The following PRKCE variants were observed in gnomAD, a reference collection of about 807,000 sequenced individuals.
The protein encoded by PRKCE is protein kinase C epsilon type.
Under a neutral mutation model 85.4 loss-of-function variants are expected in PRKCE, and 16 were observed. The observed-to-expected ratio is 0.19, with a 90% CI of 0.13 to 0.28. PRKCE has a LOEUF of 0.28. Ranked by LOEUF, PRKCE falls within the 10% of genes least tolerant of loss-of-function variation. The pLI is 1.00. For synonymous variants in PRKCE, 388 were observed against 371.5 expected (o/e 1.04, Z -0.51); for missense variants, 573 against 975.2 (o/e 0.59, Z 5.49).
intron 11 of PRKCE, among the ~76,000 whole-genome samples, chr2:46,117,786 C>T (rs1672924063): frequency 6.6e-6 from 1 of 152,180 alleles, no homozygotes; most frequent in Non-Finnish European, 1.5e-5. Context: ...TTACTGATCC[C>T]TTACATTGCC....
At chr2:45,839,648 A>C (rs980388630) in intron 1 of PRKCE, among the ~76,000 whole-genome samples, 1 of 152,198 alleles carries the variant, frequency 6.6e-6, no homozygotes, top group Non-Finnish European at 1.5e-5. Context: ...CTTACATTGC[A>C]TCATTATCTG....
rs939544375 is a variant in PRKCE at position 45,859,145 on chromosome 2, T to C, written c.412+16082T>C. Among the ~76,000 whole-genome samples, 51 of 152,092 alleles carry C rather than the reference T, an allele frequency of 3.4e-4. 2 individuals carry two copies. On this transcript the variant is annotated intron_variant, in intron 2 of 14. Transcript: ENST00000306156. ...ATTCTACTTTTGAGATTCATCCATA[T>C]TGATGTGTGTGTGGCTGCAGTTCGT...
At chr2:45,985,127 G>A (rs1006048159) in intron 6 of PRKCE, among the ~76,000 whole-genome samples, 1 of 152,168 alleles carries the variant, frequency 6.6e-6, no homozygotes, top group Non-Finnish European at 1.5e-5. Flanking sequence ...ACATAAGGTA[G>A]CTTGCTGACT....
At chr2:45,909,154 T>C (rs7595563) in intron 2 of PRKCE, among the ~76,000 whole-genome samples, 15,356 of 152,242 alleles carry the variant, frequency 0.1, 1,242 homozygotes, top group African/African-American at 0.22. Flanking sequence ...TTATTAGTAA[T>C]AGTACCACTT....
At chr2:45,717,123 C>T (rs1472992312) in intron 1 of PRKCE, among the ~76,000 whole-genome samples, 2 of 152,196 alleles carry the variant, frequency 1.3e-5, no homozygotes, top group African/African-American at 2.4e-5. Flanking sequence ...TGTCCAAGGT[C>T]CCTAAGTGAA....
At chr2:45,720,264 T>A (rs1023682100) in intron 1 of PRKCE, among the ~76,000 whole-genome samples, 1 of 150,768 alleles carries the variant, frequency 6.6e-6, no homozygotes, top group African/African-American at 2.4e-5. Context: ...AGTGGAGGAG[T>A]TGAGATAAAG....
intron 11 of PRKCE, among the ~76,000 whole-genome samples, chr2:46,111,138 T>G (rs1044519557): frequency 6.6e-6 from 1 of 152,194 alleles, no homozygotes; most frequent in Non-Finnish European, 1.5e-5. Flanking sequence ...ACATGCAAGC[T>G]TGAGAAGAAT....
intron 11 of PRKCE, among the ~76,000 whole-genome samples, chr2:46,091,756 G>A (rs892473422): frequency 5.3e-5 from 8 of 152,272 alleles, no homozygotes; most frequent in African/African-American, 1.7e-4. Context: ...GTAAATGTTA[G>A]CCAGTCACAT....
intron 2 of PRKCE, among the ~76,000 whole-genome samples, chr2:45,957,066 A>AT (rs1052201399): frequency 6.6e-6 from 1 of 152,130 alleles, no homozygotes; most frequent in African/African-American, 2.4e-5. Flanking sequence ...ATTTGCAAAT[A>AT]TTTTTTCCCA....
At chr2:46,032,778 C>A (rs1205897160) in intron 10 of PRKCE, among the ~76,000 whole-genome samples, 1 of 152,162 alleles carries the variant, frequency 6.6e-6, no homozygotes, top group Non-Finnish European at 1.5e-5. Context: ...TTAAGAATGA[C>A]TTTAGTTAGT....
Position 46,120,374 on chromosome 2 carries a change from G to A in PRKCE, c.1593-24719G>A, listed in dbSNP as rs560608529. Among the ~76,000 whole-genome samples, 738 of 152,252 alleles carry A rather than the reference G, an allele frequency of 4.8e-3. 6 individuals are homozygous for A. The highest frequency in any genetic ancestry group is 0.017 in the African/African-American group (701 of 41,546). The stretch of plus-strand genomic sequence containing the variant: ...TGGCATCTAGTGGGTAGAGGCCAAG[G>A]ATACTGGTAAACATTCTGCAATGCA... On this transcript the variant is annotated intron_variant, in intron 11 of 14. Transcript: ENST00000306156.
At position 45,717,512 on chromosome 2, in the gene PRKCE, A is replaced by G. The variant is rs1680238624; in HGVS notation, c.348+65064A>G. On this transcript the variant is annotated intron_variant, in intron 1 of 14. Transcript: ENST00000306156. ...CTACATTGGGTTCCCCCTAAAGCATATGGCATGTCTTGTGCATATCTGCAC... is the reference window on the plus strand; with the variant it reads ...CTACATTGGGTTCCCCCTAAAGCATGTGGCATGTCTTGTGCATATCTGCAC... 2.6e-5 allele frequency among the ~76,000 whole-genome samples: 4 copies of G among 152,368 alleles called. No homozygotes were observed. In the South Asian group the frequency reaches 8.3e-4, roughly 32 times the overall value.
At chr2:45,816,068 A>G (rs1689016509) in intron 1 of PRKCE, among the ~76,000 whole-genome samples, 1 of 152,236 alleles carries the variant, frequency 6.6e-6, no homozygotes, top group Non-Finnish European at 1.5e-5. Flanking sequence ...TGGCCTGTAA[A>G]GAGTACTGGA....
At chr2:45,869,702 CTCTCT>C (rs746350893) in intron 2 of PRKCE, among the ~76,000 whole-genome samples, 2 of 122,584 alleles carry the variant, frequency 1.6e-5, no homozygotes, top group African/African-American at 5.7e-5. Flanking sequence ...TTGTTTCTCT[CTCTCT>C]TTTTTTTTTT....
intron 14 of PRKCE, among the ~76,000 whole-genome samples, chr2:46,163,657 T>G: frequency 1.6e-5 from 2 of 126,320 alleles, no homozygotes; most frequent in Non-Finnish European, 3.3e-5. Flanking sequence ...ACAGGGAAGC[T>G]GAGGCACACC....
intron 10 of PRKCE, among the ~76,000 whole-genome samples, chr2:46,046,266 C>A (rs1038174740): frequency 6.6e-6 from 1 of 152,218 alleles, no homozygotes; most frequent in Non-Finnish European, 1.5e-5. Context: ...AGCAGCCAGC[C>A]TCCTGTCTCC....
intron 1 of PRKCE, among the ~76,000 whole-genome samples, chr2:45,656,339 C>T (rs553265450): frequency 2.6e-5 from 4 of 152,086 alleles, no homozygotes; most frequent in East Asian, 1.9e-4. Context: ...GCCCACACTT[C>T]GGAAACATTG....
At chr2:45,813,476 T>A (rs1688798495) in intron 1 of PRKCE, among the ~76,000 whole-genome samples, 1 of 152,176 alleles carries the variant, frequency 6.6e-6, no homozygotes, top group Non-Finnish European at 1.5e-5. Flanking sequence ...GGGGCTGTAG[T>A]TTGTTATCCC....
At chr2:46,066,382 G>A (rs566307886) in intron 10 of PRKCE, among the ~76,000 whole-genome samples, 7 of 151,904 alleles carry the variant, frequency 4.6e-5, no homozygotes, top group Non-Finnish European at 7.4e-5. Flanking sequence ...CTTTCCCTCC[G>A]AATTTATGAA....
Sources: gnomAD v4.1 joint callset for allele counts (sites outside exome capture counted in the v4.1 genomes callset) on GRCh38, gnomAD v4.1.1 for gene constraint, MANE v1.5 for transcripts, NCBI Gene and HGNC (gene_info 2026-07-23, HGNC 2026-07-21) for gene names.